The following ASPH variants were observed in gnomAD, a reference collection of about 807,000 sequenced individuals.
The protein encoded by ASPH is aspartate beta-hydroxylase, also known as aspartyl/asparaginyl beta-hydroxylase.
A neutral mutation model predicts 118.4 loss-of-function variants in ASPH; 100 were observed. The observed-to-expected ratio is 0.84, with a 90% CI of 0.72 to 1.00. The LOEUF (loss-of-function observed/expected upper bound fraction) is 1.00. Ranked by LOEUF, ASPH falls within the 50% of genes least tolerant of loss-of-function variation. The pLI is 0.00. For missense variants in ASPH, 920 were observed against 919.5 expected, an observed-to-expected ratio of 1.00 and a Z score of -0.01; for synonymous variants, 315 against 325.6, an observed-to-expected ratio of 0.97 and a Z score of 0.35.
rs1314472672 is a variant in ASPH, at chr8:61,637,973, A to G, written c.863T>C (p.Val288Ala). The G allele has an allele frequency of 9.3e-6, 15 of 1,610,606 alleles. No homozygotes were observed. In the East Asian group the frequency reaches 3.1e-4, roughly 34 times the overall value. ...EVTAPPEDNP[V>A]EDSQVIVEEV... is the part of the protein sequence containing the mutation. Reference sequence around the variant, plus strand: ...TTCTACAATTACCTGTGAATCTTCTACAGGATTATCCTCAGGGGGAGCAGT... The same window carrying G: ...TTCTACAATTACCTGTGAATCTTCTGCAGGATTATCCTCAGGGGGAGCAGT... The change falls in exon 12 of 25, where the codon GTA (valine) becomes GCA (alanine). Residue 288 changes from valine to alanine, a missense_variant. Physicochemically the swap from Val to Ala is moderately conservative, Grantham distance 64. Transcript: ENST00000379454.
rs545194094 is a variant in ASPH, at chr8:61,539,457, G to A, written c.1764+8614C>T. ...AAGGAAGGAAAGCACACCTGGATGAGGGCCAAGCAGGCTGAGAGATCAAAT... is the reference window on the plus strand; with the variant it reads ...AAGGAAGGAAAGCACACCTGGATGAAGGCCAAGCAGGCTGAGAGATCAAAT... On this transcript the variant is annotated intron_variant, in intron 21 of 24. Transcript: ENST00000379454. Among the ~76,000 whole-genome samples the A allele has an allele frequency of 5.9e-5, 9 of 152,110 alleles. No homozygotes were observed. In the South Asian group the frequency reaches 1.7e-3, roughly 28 times the overall value.
chr8:61,564,297 C>CTTTTT (rs1176381658), intron 17 of ASPH, among the ~76,000 whole-genome samples: 2 of 134,036 alleles, frequency 1.5e-5, no homozygotes, highest in African/African-American at 2.7e-5. Context: ...AATGCTGATT[C>CTTTTT]TTTTTTTTTT....
chr8:61,666,147 T>A lies in ASPH; in HGVS notation c.323-12487A>T, dbSNP rs569019257. Among the ~76,000 whole-genome samples, 5 of 152,330 alleles carry A rather than the reference T, an allele frequency of 3.3e-5. No homozygotes were observed. The South Asian group carries it at 1.0e-3, about 32-fold the overall frequency. ...AAAATTGTCATGTGTATGACATTTT[T>A]AAATCATTATCTGTAGTATTTAAAA... On this transcript the variant is annotated intron_variant, in intron 3 of 24. Coordinates refer to ENST00000379454, the MANE Select transcript of ASPH (RefSeq NM_004318.4).
intron 3 of ASPH, among the ~76,000 whole-genome samples, chr8:61,671,023 A>T (rs2151445384): frequency 1.3e-5 from 2 of 152,314 alleles, no homozygotes; most frequent in South Asian, 4.1e-4. Flanking sequence ...AGGTAACTTT[A>T]TAACAGATTT....
At chr8:61,614,290 T>G (rs761128065) in intron 14 of ASPH, among the ~76,000 whole-genome samples, 2 of 151,868 alleles carry the variant, frequency 1.3e-5, no homozygotes, top group African/African-American at 2.4e-5. Context: ...ACAAATACAG[T>G]TTTATCTAAC....
At chr8:61,641,205 C>G (rs1318101857) in intron 10 of ASPH, among the ~76,000 whole-genome samples, 2 of 152,188 alleles carry the variant, frequency 1.3e-5, no homozygotes, top group Non-Finnish European at 2.9e-5. Flanking sequence ...TTATGATACT[C>G]TGCCCTATGA....
chr8:61,627,840 C>T (rs1205622527), intron 13 of ASPH, among the ~76,000 whole-genome samples: 1 of 152,160 alleles, frequency 6.6e-6, no homozygotes, highest in Non-Finnish European at 1.5e-5. Context: ...ATCTCTTCTG[C>T]TACTCTCCAT....
chr8:61,563,346 C>T (rs1290735142), intron 17 of ASPH, among the ~76,000 whole-genome samples: 1 of 152,166 alleles, frequency 6.6e-6, no homozygotes, highest in Non-Finnish European at 1.5e-5. Flanking sequence ...TAACTGCTGA[C>T]ACATCCCCTA....
intron 8 of ASPH, 27 bp from the exon 9 acceptor site, chr8:61,643,460 A>G (rs1164433035): frequency 1.3e-6 from 2 of 1,593,150 alleles, no homozygotes; most frequent in South Asian, 2.2e-5. Flanking sequence ...CACCTTTGCC[A>G]AACAGGAAAA....
chr8:61,508,931 T>C (rs925454434), intron 24 of ASPH, among the ~76,000 whole-genome samples: 3 of 152,116 alleles, frequency 2.0e-5, no homozygotes, highest in African/African-American at 7.2e-5. Context: ...CTACTGAAAT[T>C]CCCCAGTTCA....
At chr8:61,585,584 C>T (rs1839177223) in intron 14 of ASPH, among the ~76,000 whole-genome samples, 1 of 103,778 alleles carries the variant, frequency 9.6e-6, no homozygotes. Context: ...TCGTGTGCCC[C>T]CTGGTGGGAA....
At chr8:61,506,705 T>C (rs1220244097) in intron 24 of ASPH, among the ~76,000 whole-genome samples, 2 of 152,134 alleles carry the variant, frequency 1.3e-5, no homozygotes, top group African/African-American at 4.8e-5. Flanking sequence ...TAGCATATGA[T>C]TGGCAATAGT....
chr8:61,637,194 C>T (rs1858215656), intron 12 of ASPH, among the ~76,000 whole-genome samples: 1 of 151,972 alleles, frequency 6.6e-6, no homozygotes, highest in African/African-American at 2.4e-5. Context: ...AAGCAGAGAC[C>T]CCATTCCCTC....
At chr8:61,676,237 C>A (rs548719638) in intron 3 of ASPH, 2 of 1,595,514 alleles carry the variant, frequency 1.3e-6, no homozygotes, top group Admixed American at 1.7e-5. Context: ...AACCATAAAA[C>A]CAATCTGAAC....
rs76195738 is a variant in ASPH, at chr8:61,597,041, T to G, written c.977-13012A>C. Reference sequence around the variant, plus strand: ...CTGAAAGAAAAATTCAATAGAGAGATAGATACCATTTAAAAGAACTCAACC... The same window carrying G: ...CTGAAAGAAAAATTCAATAGAGAGAGAGATACCATTTAAAAGAACTCAACC... On this transcript the variant is annotated intron_variant, in intron 14 of 24. Transcript: ENST00000379454. Among the ~76,000 whole-genome samples the G allele has an allele frequency of 6.8e-3, 1,036 of 151,770 alleles. 13 individuals carry two copies. Among genetic ancestry groups the G allele is most frequent in the African/African-American group, 0.024 (989 of 41,408 alleles).
intron 18 of ASPH, among the ~76,000 whole-genome samples, chr8:61,560,057 C>CA (rs1829268061): frequency 6.6e-6 from 1 of 152,236 alleles, no homozygotes; most frequent in Non-Finnish European, 1.5e-5. Context: ...AAAATGAACA[C>CA]AAATTCGTGA....
chr8:61,654,348 G>A (rs1812571774), intron 3 of ASPH, among the ~76,000 whole-genome samples: 1 of 152,044 alleles, frequency 6.6e-6, no homozygotes, highest in African/African-American at 2.4e-5. Flanking sequence ...TTTTGTATGT[G>A]GAACATTAAA....
intron 21 of ASPH, among the ~76,000 whole-genome samples, chr8:61,539,699 G>GGGGGGGTGTGTGTGTGTGTGTGTGTGTGT (rs1554618405): frequency 1.6e-5 from 2 of 124,214 alleles, no homozygotes; most frequent in African/African-American, 5.6e-5. Flanking sequence ...ACACTTCTGG[G>GGGGGGGTGTGTGTGTGTGTGTGTGTGTGT]GTGTGTGTGT....
chr8:61,506,486 A>G (rs1806624368), intron 24 of ASPH, among the ~76,000 whole-genome samples: 1 of 152,218 alleles, frequency 6.6e-6, no homozygotes, highest in Non-Finnish European at 1.5e-5. Context: ...TGTTATGTGT[A>G]TTTTACTACA....
Sources: gnomAD v4.1 joint callset for allele counts (sites outside exome capture counted in the v4.1 genomes callset) on GRCh38, gnomAD v4.1.1 for gene constraint, MANE v1.5 for transcripts, NCBI Gene and HGNC (gene_info 2026-07-23, HGNC 2026-07-21) for gene names.